The following OSGEP variants were observed in gnomAD, a reference collection of about 807,000 sequenced individuals.
The protein encoded by OSGEP is tRNA N6-adenosine threonylcarbamoyltransferase.
In OSGEP, 39 loss-of-function variants were observed where a neutral mutation model predicts 44.1. The observed-to-expected ratio is 0.88, with a 90% CI of 0.69 to 1.16. OSGEP has a LOEUF of 1.16. OSGEP is among the 50% of genes most tolerant of loss of function. OSGEP has a pLI of 0.00. For synonymous variants in OSGEP, 139 were observed against 161.9 expected (o/e 0.86, Z 1.07); for missense variants, 403 against 443.1 (o/e 0.91, Z 0.81).
At chr14:20,447,755 C>T (rs1340961839) in intron 8 of OSGEP, 65 bp from the exon 9 acceptor site, 35 of 1,359,720 alleles carry the variant, frequency 2.6e-5, no homozygotes, top group Non-Finnish European at 3.5e-5. Flanking sequence ...CAGCAGAACA[C>T]GTCATGTGCA....
chr14:20,449,493 A>G, intron 3 of OSGEP: 1 of 505,166 alleles, frequency 2.0e-6, no homozygotes, highest in Non-Finnish European at 3.6e-6. Flanking sequence ...GTGTAGGTTC[A>G]GGCAGAAATA....
At position 20,454,709 on chromosome 14, in the gene OSGEP, C is replaced by A; in HGVS notation, c.-26G>T. On this transcript the variant is annotated 5_prime_UTR_variant, in exon 1 of 11. Coordinates refer to ENST00000206542, the MANE Select transcript of OSGEP (RefSeq NM_017807.4). ...GGCGGAGGCTGGGAGAAAACGCCGA[C>A]AGGACTCCTGGCAATGTCAGGAGCT... The A allele has an allele frequency of 6.5e-7, 1 of 1,548,652 alleles. No individual in the cohort carries two copies. The highest frequency in any genetic ancestry group is 1.7e-5 in the Admixed American group (1 of 59,092).
intron 1 of OSGEP, 86 bp downstream of exon 1, chr14:20,454,483 T>A: frequency 1.1e-6 from 1 of 906,664 alleles, no homozygotes; most frequent in Admixed American, 1.7e-5. Flanking sequence ...GATCGAAAGC[T>A]GCACCTCACT....
At chr14:20,451,754 C>G (rs898678820) in intron 3 of OSGEP, 1 of 397,854 alleles carries the variant, frequency 2.5e-6, no homozygotes, top group African/African-American at 2.1e-5. Flanking sequence ...TCTTTATAAT[C>G]AGATATAAAG....
At chr14:20,453,310 G>C (rs1433728369) in intron 1 of OSGEP, among the ~76,000 whole-genome samples, 1 of 152,078 alleles carries the variant, frequency 6.6e-6, no homozygotes, top group Non-Finnish European at 1.5e-5. Flanking sequence ...TTTGAGGGGA[G>C]AGTAGCAAGA....
rs980151879 is a variant in OSGEP, at chr14:20,454,611, G to A, written c.73C>T (p.Leu25=). The stretch of plus-strand genomic sequence containing the variant: ...ACGTAAGTCCGCCGCGGGTTCGCCA[G>A]CACCTTGCCATCCCGCACCACGCCC... ...GVGVVRDGKV[L]ANPRRTYVTP... The change falls in exon 1 of 11, where the codon CTG becomes TTG. Residue 25 remains leucine (L), a synonymous_variant. Coordinates refer to ENST00000206542, the MANE Select transcript of OSGEP (RefSeq NM_017807.4). 3 of 1,614,202 alleles carry A rather than the reference G, an allele frequency of 1.9e-6. No homozygotes were observed. The highest frequency in any genetic ancestry group is 1.3e-5 in the African/African-American group (1 of 75,066).
In OSGEP at chr14:20,452,311, C is replaced by A. The variant is rs1881124151; in HGVS notation, c.235+18G>T. The A allele has an allele frequency of 7.4e-6, 12 of 1,612,724 alleles. No homozygotes were observed. The highest frequency in any genetic ancestry group is 1.0e-5 in the Non-Finnish European group (12 of 1,179,694). ...TGCAGGTATATTCCTCCATCGTTGA[C>A]CACTCTCCCAGCCATACCCTTGGTG... On this transcript the variant is annotated intron_variant, in intron 2 of 10. Coordinates refer to ENST00000206542, the MANE Select transcript of OSGEP (RefSeq NM_017807.4).
At position 20,452,460 on chromosome 14, in the gene OSGEP, A is replaced by G. The variant is rs1364812956; in HGVS notation, c.116-12T>C. The G allele has an allele frequency of 6.2e-7, 1 of 1,613,188 alleles. No individual in the cohort carries two copies. The highest frequency in any genetic ancestry group is 1.1e-5 in the South Asian group (1 of 91,052). The stretch of plus-strand genomic sequence containing the variant: ...ACCTGGAAGGAATCCTAGAAAATGA[A>G]CATAGGTCAGAGATCACAGGGATTT... On this transcript the variant is annotated splice_polypyrimidine_tract_variant and intron_variant, in intron 1 of 10. Transcript: ENST00000206542.
rs1880945999 is a variant in OSGEP at position 20,446,414 on chromosome 14, A to G, written c.*826T>C. On this transcript the variant is annotated 3_prime_UTR_variant, in exon 11 of 11. Coordinates refer to ENST00000206542, the MANE Select transcript of OSGEP (RefSeq NM_017807.4). The stretch of plus-strand genomic sequence containing the variant: ...GAGTAGAGGCAGTTTTAGAGTTACA[A>G]GTTAGACCAATCTCCAGGCTGTTTG... The G allele has an allele frequency of 6.6e-6, 1 of 152,204 alleles. No individual in the cohort carries two copies. Among genetic ancestry groups the G allele is most frequent in the South Asian group, 2.1e-4 (1 of 4,822 alleles). 9.4% of individuals were successfully genotyped at this position (152,204 alleles called of 1,614,324 possible).
At chr14:20,451,225 C>T in intron 3 of OSGEP, 1 of 172,774 alleles carries the variant, frequency 5.8e-6, no homozygotes, top group South Asian at 9.3e-5. Flanking sequence ...CATAATCATT[C>T]CCAGTAATAT....
intron 3 of OSGEP, among the ~76,000 whole-genome samples, chr14:20,451,040 C>T (rs1881081805): frequency 1.3e-5 from 2 of 152,058 alleles, no homozygotes; most frequent in East Asian, 3.9e-4. Context: ...ACCCGGGAGG[C>T]AGAGGTTGCA....
At position 20,447,035 on chromosome 14, in the gene OSGEP, C is replaced by A. The variant is rs1199195206; in HGVS notation, c.*205G>T. On this transcript the variant is annotated 3_prime_UTR_variant, in exon 11 of 11. Coordinates refer to ENST00000206542, the MANE Select transcript of OSGEP (RefSeq NM_017807.4). Reference sequence around the variant, plus strand: ...GCACCAAATCTACATTGGTCCTGAACAACACAATCCAATCACCAACATACA... The same window carrying A: ...GCACCAAATCTACATTGGTCCTGAAAAACACAATCCAATCACCAACATACA... 3 of 569,168 alleles carry A rather than the reference C, an allele frequency of 5.3e-6. No individual in the cohort carries two copies. The African/African-American group carries it at 5.6e-5, about 11-fold the overall frequency. The allele number at this position is 569,168 out of a possible 1,614,324, so 35.3% of individuals were successfully genotyped here. A position where few individuals can be genotyped will look rare whatever the true frequency, so the allele number is the denominator to read the frequency against.
In OSGEP at chr14:20,452,274, A is replaced by G. The variant is rs186415304; in HGVS notation, c.235+55T>C. The G allele has an allele frequency of 1.5e-4, 239 of 1,606,872 alleles. 1 individual carries two copies. In the East Asian group the frequency reaches 3.6e-3, roughly 24 times the overall value. On this transcript the variant is annotated intron_variant, in intron 2 of 10. Transcript: ENST00000206542. ...CAGAGGTAAGGTGTTGGCTATTTTG[A>G]CCTAGCCAGGTTGCAGGTATATTCC...
intron 5 of OSGEP, 74 bp downstream of exon 5, chr14:20,448,890 G>C: frequency 6.3e-7 from 1 of 1,592,636 alleles, no homozygotes; most frequent in Non-Finnish European, 8.6e-7. Context: ...CCCAAATTTT[G>C]TTAATATATA....
chr14:20,447,673 C>T lies in OSGEP; in HGVS notation c.811G>A (p.Glu271Lys), dbSNP rs2139289361. ...TCCTGGCACATTGTTGCCATCATCT[C>T]CTGTAGCCTCACATTACCTACAAAG... ...GGVGCNVRLQ[E>K]MMATMCQERG... The change falls in exon 9 of 11, where the codon GAG (glutamate) becomes AAG (lysine). Residue 271 changes from glutamate (E) to lysine (K), a missense_variant. Glu to Lys is a moderately conservative substitution (Grantham distance 56). Coordinates refer to ENST00000206542, the MANE Select transcript of OSGEP (RefSeq NM_017807.4). 1 of 1,613,884 alleles carries T rather than the reference C, an allele frequency of 6.2e-7. No individual in the cohort carries two copies. Among genetic ancestry groups the T allele is most frequent in the East Asian group, 2.2e-5 (1 of 44,878 alleles).
Position 20,448,150 on chromosome 14 carries a change from C to T in OSGEP, c.658G>A (p.Ala220Thr). The change falls in exon 7 of 11, where the codon GCC (alanine) becomes ACC (threonine). Residue 220 changes from alanine to threonine, a missense_variant. Transcript: ENST00000206542. ...TCCTCAGGAGTACACTCGCCTGTGGCCAGCATCCGATGGGCTACATCCTAC... is the reference window on the plus strand; with the variant it reads ...TCCTCAGGAGTACACTCGCCTGTGGTCAGCATCCGATGGGCTACATCCTAC... Reference protein sequence around the residue: ...FIEDVAHRMLATGECTPEDLC... With the variant: ...FIEDVAHRMLTTGECTPEDLC... 1 of 1,613,302 alleles carries T rather than the reference C, an allele frequency of 6.2e-7. No individual in the cohort carries two copies. Among genetic ancestry groups the T allele is most frequent in the Admixed American group, 1.7e-5 (1 of 60,028 alleles).
intron 1 of OSGEP, 171 bp downstream of exon 1, chr14:20,454,398 C>T (rs996529832): frequency 1.4e-6 from 1 of 696,614 alleles, no homozygotes; most frequent in South Asian, 1.6e-5. Context: ...ATCAGATCCA[C>T]GTCCAAGTGC....
intron 3 of OSGEP, chr14:20,449,726 C>T (rs188816124): frequency 6.1e-6 from 1 of 164,108 alleles, no homozygotes; most frequent in Admixed American, 5.8e-5. Flanking sequence ...CTGTAGCCTC[C>T]ACCTCCTAGG....
At position 20,454,758 on chromosome 14, in the gene OSGEP, C is replaced by G; in HGVS notation, c.-75G>C. ...CTGTGGAGGTCCTCACTAGTCCGCG[C>G]TGGGCCGCAGCTTTCCGGAGCGCAG... On this transcript the variant is annotated 5_prime_UTR_variant, in exon 1 of 11. Transcript: ENST00000206542. 2 of 1,098,522 alleles carry G rather than the reference C, an allele frequency of 1.8e-6. No homozygotes were observed. The highest frequency in any genetic ancestry group is 1.3e-5 in the South Asian group (1 of 75,860). The allele number at this position is 1,098,522 out of a possible 1,614,324, so 68.0% of individuals were successfully genotyped here.
Sources: gnomAD v4.1 joint callset for allele counts (sites outside exome capture counted in the v4.1 genomes callset) on GRCh38, gnomAD v4.1.1 for gene constraint, MANE v1.5 for transcripts, NCBI Gene and HGNC (gene_info 2026-07-23, HGNC 2026-07-21) for gene names.